The following LRRC7 variants were observed in gnomAD, a reference collection of about 807,000 sequenced individuals.
LRRC7 encodes the protein leucine-rich repeat-containing protein 7.
A neutral mutation model predicts 175.7 loss-of-function variants in LRRC7; 23 were observed. The observed-to-expected ratio is 0.13, with a 90% CI of 0.09 to 0.19. The LOEUF (loss-of-function observed/expected upper bound fraction) is 0.19. LRRC7 is among the 10% of genes least tolerant of loss of function. The pLI is 1.00. For missense variants in LRRC7, 1,354 were observed against 1,904.7 expected, an observed-to-expected ratio of 0.71 and a Z score of 5.38; for synonymous variants, 685 against 680.9, an observed-to-expected ratio of 1.01 and a Z score of -0.09.
chr1:69,592,919 C>T (rs1398041902), intron 1 of LRRC7, among the ~76,000 whole-genome samples: 1 of 152,044 alleles, frequency 6.6e-6, no homozygotes, highest in Non-Finnish European at 1.5e-5. Context: ...CACTTGAATG[C>T]TACCTTCTAA....
intron 1 of LRRC7, among the ~76,000 whole-genome samples, chr1:69,589,158 CTG>C (rs1646532076): frequency 7.6e-6 from 1 of 131,304 alleles, no homozygotes; most frequent in African/African-American, 2.9e-5. Flanking sequence ...GTGTGTATGT[CTG>C]TGTGTGTGTG....
At chr1:69,735,408 T>A (rs928029171) in intron 2 of LRRC7, among the ~76,000 whole-genome samples, 2 of 152,240 alleles carry the variant, frequency 1.3e-5, no homozygotes, top group Admixed American at 1.3e-4. Context: ...TGTTAATTAT[T>A]TCTTCATTAT....
chr1:69,850,571 T>C (rs1473063464), intron 7 of LRRC7, among the ~76,000 whole-genome samples: 2 of 152,050 alleles, frequency 1.3e-5, no homozygotes, highest in African/African-American at 2.4e-5. Flanking sequence ...TTGTCTGAGA[T>C]TGCAGTTATG....
intron 24 of LRRC7, among the ~76,000 whole-genome samples, chr1:70,078,801 C>T (rs1411799529): frequency 2.9e-5 from 3 of 105,118 alleles, no homozygotes; most frequent in African/African-American, 5.6e-5. Context: ...TACGCGCGCG[C>T]GCGCGCGCGC....
chr1:69,601,511 T>C (rs1237803206), intron 1 of LRRC7, among the ~76,000 whole-genome samples: 2 of 152,224 alleles, frequency 1.3e-5, no homozygotes, highest in Non-Finnish European at 2.9e-5. Context: ...TGTGGGAACC[T>C]ATTTTCTCAA....
At chr1:70,092,111 T>G (rs746252452) in intron 25 of LRRC7, among the ~76,000 whole-genome samples, 6 of 152,174 alleles carry the variant, frequency 3.9e-5, no homozygotes, top group Non-Finnish European at 8.8e-5. Context: ...AGCTGTGTTT[T>G]TTAGCCCTAG....
chr1:69,796,304 A>G (rs1281491532), intron 4 of LRRC7, among the ~76,000 whole-genome samples: 1 of 151,864 alleles, frequency 6.6e-6, no homozygotes, highest in East Asian at 1.9e-4. Context: ...GACTCTAACC[A>G]CAACTCCAGC....
At chr1:69,729,352 G>A (rs1369734014) in intron 2 of LRRC7, among the ~76,000 whole-genome samples, 1 of 152,024 alleles carries the variant, frequency 6.6e-6, no homozygotes, top group Non-Finnish European at 1.5e-5. Flanking sequence ...TCTAATCTGA[G>A]ACAAGGCAAG....
At chr1:69,848,875 T>C (rs1213143525) in intron 7 of LRRC7, among the ~76,000 whole-genome samples, 1 of 152,094 alleles carries the variant, frequency 6.6e-6, no homozygotes, top group Middle Eastern at 3.2e-3. Flanking sequence ...TTTAGATGTA[T>C]ATTTTATATT....
chr1:69,689,816 G>C (rs553295876), intron 2 of LRRC7, among the ~76,000 whole-genome samples: 2 of 152,216 alleles, frequency 1.3e-5, no homozygotes, highest in African/African-American at 4.8e-5. Context: ...GTTAAACAGT[G>C]TCGTAACAAT....
chr1:69,689,109 G>T (rs1022086381), intron 2 of LRRC7, among the ~76,000 whole-genome samples: 5 of 152,084 alleles, frequency 3.3e-5, no homozygotes, highest in Admixed American at 6.6e-5. Flanking sequence ...AGTTTACATT[G>T]TCATCATCTT....
At chr1:69,824,785 G>C (rs964838813) in intron 4 of LRRC7, among the ~76,000 whole-genome samples, 1 of 152,120 alleles carries the variant, frequency 6.6e-6, no homozygotes, top group African/African-American at 2.4e-5. Context: ...TGTCAGATAT[G>C]AAGTACTGGG....
chr1:69,641,648 C>T (rs980127277), intron 1 of LRRC7, among the ~76,000 whole-genome samples: 2 of 151,512 alleles, frequency 1.3e-5, no homozygotes, highest in Non-Finnish European at 1.5e-5. Context: ...CCAAAATAAT[C>T]AACTTGCTTT....
chr1:69,948,345 T>G (rs1011455752), intron 8 of LRRC7, among the ~76,000 whole-genome samples: 4 of 152,184 alleles, frequency 2.6e-5, no homozygotes, highest in Admixed American at 2.6e-4. Context: ...TTTACTGTCC[T>G]TTTGTTTCAA....
At chr1:69,898,547 TA>T (rs1172209733) in intron 7 of LRRC7, among the ~76,000 whole-genome samples, 1 of 152,210 alleles carries the variant, frequency 6.6e-6, no homozygotes, top group African/African-American at 2.4e-5. Flanking sequence ...TACAGTGTAA[TA>T]CCATTGCAAC....
At chr1:69,749,812 C>T (rs1029757886) in intron 2 of LRRC7, among the ~76,000 whole-genome samples, 1 of 151,858 alleles carries the variant, frequency 6.6e-6, no homozygotes, top group African/African-American at 2.4e-5. Context: ...GCCTGTAATC[C>T]CAGCACTTTG....
intron 10 of LRRC7, among the ~76,000 whole-genome samples, chr1:69,994,106 C>A (rs1259672204): frequency 6.6e-6 from 1 of 152,264 alleles, no homozygotes; most frequent in East Asian, 1.9e-4. Context: ...CGCTGCATTG[C>A]AATACTTCAG....
intron 3 of LRRC7, 57 bp from the exon 4 acceptor site, chr1:69,791,986 G>A: frequency 8.7e-7 from 1 of 1,146,768 alleles, no homozygotes; most frequent in Non-Finnish European, 1.3e-6. Context: ...TTGTTACTGA[G>A]TTTATGAATG....
intron 22 of LRRC7, 112 bp downstream of exon 22, chr1:70,044,206 A>T (rs1225484372): frequency 1.8e-6 from 2 of 1,102,378 alleles, no homozygotes; most frequent in Non-Finnish European, 2.5e-6. Flanking sequence ...GGCTCCTATG[A>T]GTCCAAAAAG....
Sources: allele counts gnomAD v4.1 joint callset (sites outside exome capture counted in the v4.1 genomes callset), GRCh38; gene constraint gnomAD v4.1.1; transcripts MANE v1.5; gene names NCBI Gene and HGNC (gene_info 2026-07-23, HGNC 2026-07-21).